RYR1: variants seen among roughly 807,000 people sequenced by gnomAD.
RYR1 encodes central core disease of muscle.
RYR1 carries 342 observed loss-of-function variants against 583.5 expected under a neutral mutation model. The ratio of observed to expected loss-of-function variants is 0.59; its 90% CI spans 0.54 to 0.64. RYR1 has a LOEUF of 0.64. RYR1 is among the 30% of genes least tolerant of loss of function. The pLI is 0.00. For synonymous variants in RYR1, 2,791 were observed against 2,822.5 expected (o/e 0.99, Z 0.35); for missense variants, 6,032 against 6,917.2 (o/e 0.87, Z 4.54).
intron 89 of RYR1, 56 bp downstream of exon 89, chr19:38,548,476 C>CACTGCTACACAGTGCAGAGCCGGCATGCT: frequency 1.5e-5 from 24 of 1,560,432 alleles, no homozygotes; most frequent in Non-Finnish European, 2.0e-5. Context: ...CAAGGGCCAG[C>CACTGCTACACAGTGCAGAGCCGGCATGCT]CATACCCTTC....
chr19:38,454,338 A>C (rs367546625), intron 13 of RYR1, among the ~76,000 whole-genome samples: 1 of 152,186 alleles, frequency 6.6e-6, no homozygotes, highest in Non-Finnish European at 1.5e-5. Context: ...CTGCACCCAG[A>C]CAGTTTTGTC....
chr19:38,453,353 G>C (rs548165916), intron 13 of RYR1, among the ~76,000 whole-genome samples: 3 of 151,914 alleles, frequency 2.0e-5, no homozygotes, highest in Admixed American at 6.6e-5. Context: ...GGTGAGGCCT[G>C]GGGAGGTGAG....
intron 96 of RYR1, 147 bp from the exon 97 acceptor site, chr19:38,575,772 C>T: frequency 1.2e-6 from 1 of 839,600 alleles, no homozygotes; most frequent in Non-Finnish European, 2.0e-6. Context: ...CACTGCACTC[C>T]AGCCTGGGCA....
rs774892189 is a variant in RYR1 at position 38,446,772 on chromosome 19, G to A, written c.800+4G>A. On this transcript the variant is annotated splice_donor_region_variant and intron_variant, in intron 9 of 105. Coordinates refer to ENST00000359596, the MANE Select transcript of RYR1 (RefSeq NM_000540.3). ...GGCTGGAGCCACTGAGAATCAGGTA[G>A]GGCGGGGAAGATGGGGAGAGACCAG... The A allele has an allele frequency of 3.7e-6, 6 of 1,612,988 alleles. No individual in the cohort carries two copies. Among genetic ancestry groups the A allele is most frequent in the African/African-American group, 1.3e-5 (1 of 75,032 alleles).
rs1287642117 is a variant in RYR1 at position 38,586,558 on chromosome 19, G to A, written c.15003G>A (p.Glu5001=). The change falls in exon 105 of 106, where the codon GAG becomes GAA. Residue 5001 remains glutamate, a synonymous_variant. Coordinates refer to ENST00000359596, the MANE Select transcript of RYR1 (RefSeq NM_000540.3). ...TGATGTATTTGATAAACAAGGATGA[G>A]ACAGAACACACGGGTCAGGTAAGGG... ...FFLMYLINKD[E]TEHTGQESYV... The A allele has an allele frequency of 3.7e-6, 6 of 1,614,080 alleles. No homozygotes were observed. The highest frequency in any genetic ancestry group is 2.2e-5 in the South Asian group (2 of 91,092).
At chr19:38,472,432 T>A (rs1968471961) in intron 27 of RYR1, among the ~76,000 whole-genome samples, 1 of 152,140 alleles carries the variant, frequency 6.6e-6, no homozygotes, top group South Asian at 2.1e-4. Context: ...GAACACAGGT[T>A]CAGTTGCTCA....
At chr19:38,463,048 C>T (rs1386754868) in intron 20 of RYR1, among the ~76,000 whole-genome samples, 1 of 151,076 alleles carries the variant, frequency 6.6e-6, no homozygotes, top group Non-Finnish European at 1.5e-5. Flanking sequence ...AGGTGCGCAC[C>T]ACCACATCTG....
chr19:38,549,390 G>A (rs564854431), intron 89 of RYR1, among the ~76,000 whole-genome samples: 22 of 152,024 alleles, frequency 1.4e-4, no homozygotes, highest in Non-Finnish European at 2.1e-4. Flanking sequence ...CCAAGAGTTC[G>A]AGATCAGCCT....
At chr19:38,574,293 GAAA>G (rs61299111) in intron 96 of RYR1, among the ~76,000 whole-genome samples, 1 of 137,148 alleles carries the variant, frequency 7.3e-6, no homozygotes, top group Non-Finnish European at 1.6e-5. Context: ...AAAAAGAAAG[GAAA>G]AAAAAAAAAG....
At chr19:38,493,315 G>A (rs908972027) in intron 38 of RYR1, among the ~76,000 whole-genome samples, 2 of 152,058 alleles carry the variant, frequency 1.3e-5, no homozygotes, top group African/African-American at 4.8e-5. Context: ...GGGCCAATGT[G>A]TTATTTTGCA....
At chr19:38,465,811 G>A (rs535270469) in intron 23 of RYR1, among the ~76,000 whole-genome samples, 1 of 152,240 alleles carries the variant, frequency 6.6e-6, no homozygotes, top group South Asian at 2.1e-4. Context: ...AGTGGTGAGA[G>A]GTCTGAGAGA....
chr19:38,582,239 A>T (rs1236384441), intron 101 of RYR1, among the ~76,000 whole-genome samples: 1 of 151,974 alleles, frequency 6.6e-6, no homozygotes, highest in African/African-American at 2.4e-5. Flanking sequence ...ATCTACTAAA[A>T]ATACAAAATT....
At chr19:38,443,038 G>A (rs1381013460) in intron 3 of RYR1, among the ~76,000 whole-genome samples, 1 of 152,208 alleles carries the variant, frequency 6.6e-6, no homozygotes, top group African/African-American at 2.4e-5. Flanking sequence ...ACATCGAGCA[G>A]TCAGATGTCT....
chr19:38,571,841 C>T (rs970907287), intron 94 of RYR1, among the ~76,000 whole-genome samples, 178 bp from the exon 95 acceptor site: 1 of 152,174 alleles, frequency 6.6e-6, no homozygotes, highest in Non-Finnish European at 1.5e-5. Flanking sequence ...AGGCTAATTC[C>T]CAGGTCAGAG....
chr19:38,527,537 G>A, intron 72 of RYR1, 110 bp from the exon 73 acceptor site: 1 of 1,368,978 alleles, frequency 7.3e-7, no homozygotes, highest in Non-Finnish European at 1.0e-6. Flanking sequence ...AAGAAGAAAG[G>A]CCTCAACATG....
rs765404808 is a variant in RYR1 at position 38,517,318 on chromosome 19, G to T, written c.9686-41G>T. The T allele has an allele frequency of 1.8e-5, 29 of 1,599,918 alleles. No individual in the cohort carries two copies. In the South Asian group the frequency reaches 3.2e-4, roughly 18 times the overall value. On this transcript the variant is annotated intron_variant, in intron 65 of 105. Transcript: ENST00000359596. ...GAGGCCAGGGCACTGAGGTCTGGGG[G>T]TGATGGCTTGACATTCCCTGCCCCC...
chr19:38,532,797 C>T, intron 78 of RYR1, 61 bp downstream of exon 78: 1 of 1,530,306 alleles, frequency 6.5e-7, no homozygotes, highest in East Asian at 2.3e-5. Flanking sequence ...CAGTCATCTC[C>T]CATTCATTCA....
At chr19:38,461,197 G>A (rs1242125014) in intron 20 of RYR1, among the ~76,000 whole-genome samples, 2 of 152,080 alleles carry the variant, frequency 1.3e-5, no homozygotes, top group African/African-American at 4.8e-5. Context: ...TTGGGAAGCC[G>A]AAGTGGGGGC....
At chr19:38,585,424 A>G (rs1392927884) in intron 102 of RYR1, among the ~76,000 whole-genome samples, 1 of 147,524 alleles carries the variant, frequency 6.8e-6, no homozygotes, top group African/African-American at 2.5e-5. Flanking sequence ...ATATATTTAT[A>G]TATGTGTTTA....
Sources: gnomAD v4.1 joint callset for allele counts (sites outside exome capture counted in the v4.1 genomes callset) on GRCh38, gnomAD v4.1.1 for gene constraint, MANE v1.5 for transcripts, NCBI Gene and HGNC (gene_info 2026-07-23, HGNC 2026-07-21) for gene names.